Variants in KLF8 observed in about 807,000 individuals in gnomAD.
KLF8 encodes the protein Krueppel-like factor 8.
KLF8 carries 10 observed loss-of-function variants against 18.2 expected under a neutral mutation model. The observed-to-expected ratio is 0.55, with a 90% confidence interval of 0.34 to 0.93. The LOEUF is 0.93. KLF8 is among the 40% of genes least tolerant of loss of function. KLF8 has a pLI of 0.02. For synonymous variants in KLF8, 109 were observed against 97.3 expected, an observed-to-expected ratio of 1.12 and a Z score of -0.71; for missense variants, 264 against 277.9, an observed-to-expected ratio of 0.95 and a Z score of 0.36.
upstream of KLF8, among the ~76,000 whole-genome samples, chrX:56,228,488 A>G (rs1318427860): frequency 1.8e-5 from 2 of 112,294 alleles, no homozygotes; most frequent in African/African-American, 6.5e-5. Context: ...AATCTTTTTG[A>G]CAATTCTGTG....
chrX:56,167,377 G>A, the KLF8 span, among the ~76,000 whole-genome samples: 5 of 111,854 alleles, frequency 4.5e-5, no homozygotes, highest in East Asian at 8.5e-4. Flanking sequence ...TGATCTGCTC[G>A]TCTATGCCTC....
At chrX:56,158,905 C>G in the KLF8 span, among the ~76,000 whole-genome samples, 3 of 111,218 alleles carry the variant, frequency 2.7e-5, no homozygotes, top group African/African-American at 9.8e-5. Flanking sequence ...TTGCCCTGGC[C>G]AGAACTTCCA....
chrX:55,933,648 T>C, the KLF8 span, among the ~76,000 whole-genome samples: 1 of 112,095 alleles, frequency 8.9e-6, no homozygotes, highest in African/African-American at 3.2e-5. Flanking sequence ...TCAGCAATCA[T>C]TTTTATACAG....
the KLF8 span, among the ~76,000 whole-genome samples, chrX:56,160,309 C>T: frequency 9.0e-6 from 1 of 111,660 alleles, no homozygotes; most frequent in Admixed American, 9.6e-5. Context: ...TTACTTCCAA[C>T]TATGTGGTCA....
chrX:56,100,127 A>T, the KLF8 span, among the ~76,000 whole-genome samples: 43 of 111,324 alleles, frequency 3.9e-4, no homozygotes, highest in Non-Finnish European at 7.4e-4. Context: ...TTGAAGTTGA[A>T]GTCAGTGCTC....
chrX:56,172,096 T>A, the KLF8 span, among the ~76,000 whole-genome samples: 3 of 111,089 alleles, frequency 2.7e-5, no homozygotes, highest in African/African-American at 6.5e-5. Context: ...CTTGTTTTGG[T>A]TTTGATTTGC....
the KLF8 span, among the ~76,000 whole-genome samples, chrX:56,050,557 T>C: frequency 8.9e-6 from 1 of 112,277 alleles, no homozygotes; most frequent in East Asian, 2.8e-4. Flanking sequence ...GGTTGTTCAG[T>C]TTCCATGTAG....
chrX:56,173,587 T>C, the KLF8 span, among the ~76,000 whole-genome samples: 4 of 112,023 alleles, frequency 3.6e-5, no homozygotes, highest in Non-Finnish European at 5.6e-5. Context: ...TGCGGGCTCT[T>C]TTTTGGTTCC....
the KLF8 span, among the ~76,000 whole-genome samples, chrX:55,944,731 C>A: frequency 1.3e-4 from 14 of 110,587 alleles, no homozygotes; most frequent in Non-Finnish European, 2.5e-4. Flanking sequence ...TTTCTTCTTT[C>A]TTAGTCTTGC....
At chrX:56,034,052 C>A in the KLF8 span, among the ~76,000 whole-genome samples, 1 of 111,912 alleles carries the variant, frequency 8.9e-6, no homozygotes, top group Non-Finnish European at 1.9e-5. Flanking sequence ...GTTCGTGTTG[C>A]CTAAGATTTT....
chrX:55,964,331 T>G, the KLF8 span, among the ~76,000 whole-genome samples: 3 of 112,330 alleles, frequency 2.7e-5, no homozygotes, highest in Non-Finnish European at 5.6e-5. Context: ...TTCCCAGCAC[T>G]TTGGGAGGCC....
At chrX:56,006,704 G>A in the KLF8 span, among the ~76,000 whole-genome samples, 1 of 112,404 alleles carries the variant, frequency 8.9e-6, no homozygotes, top group Non-Finnish European at 1.9e-5. Context: ...TTTTGCTCTT[G>A]AGTTTTTTTG....
At chrX:56,047,553 A>T in the KLF8 span, among the ~76,000 whole-genome samples, 8 of 109,855 alleles carry the variant, frequency 7.3e-5, no homozygotes, top group South Asian at 1.2e-3. Flanking sequence ...CCTGAGAATG[A>T]TGGTTTCCAG....
chrX:56,202,563 C>CA, the KLF8 span, among the ~76,000 whole-genome samples: 3 of 90,371 alleles, frequency 3.3e-5, no homozygotes, highest in Non-Finnish European at 4.5e-5. Flanking sequence ...TAACCTTCCC[C>CA]CCCCCTCCCA....
At chrX:55,961,916 T>C in the KLF8 span, 11 of 201,908 alleles carry the variant, frequency 5.4e-5, no homozygotes, top group Non-Finnish European at 1.0e-4. Flanking sequence ...TTTGCATTCT[T>C]TGACATGGCC....
At chrX:55,951,157 A>G in the KLF8 span, among the ~76,000 whole-genome samples, 1 of 111,375 alleles carries the variant, frequency 9.0e-6, no homozygotes. Context: ...TTCAGTAAAT[A>G]TGTATTGAAG....
the KLF8 span, among the ~76,000 whole-genome samples, chrX:55,945,851 A>G: frequency 9.0e-6 from 1 of 111,220 alleles, no homozygotes; most frequent in Non-Finnish European, 1.9e-5. Flanking sequence ...AGTAACAGAC[A>G]GAGAGCCAAA....
At chrX:56,056,700 G>A in the KLF8 span, among the ~76,000 whole-genome samples, 2 of 98,098 alleles carry the variant, frequency 2.0e-5, no homozygotes, top group Admixed American at 2.2e-4. Context: ...CCTAATGCTA[G>A]ATGACGAGTT....
At chrX:56,041,406 C>A in the KLF8 span, among the ~76,000 whole-genome samples, 1 of 111,065 alleles carries the variant, frequency 9.0e-6, no homozygotes, top group African/African-American at 3.3e-5. Flanking sequence ...TGAGCCACCT[C>A]GCCCAACCCT....
Sources: allele counts gnomAD v4.1 joint callset (sites outside exome capture counted in the v4.1 genomes callset), GRCh38; gene constraint gnomAD v4.1.1; transcripts MANE v1.5; gene names NCBI Gene and HGNC (gene_info 2026-07-23, HGNC 2026-07-21).